The following PTBP3 variants were observed in gnomAD, a reference collection of about 807,000 sequenced individuals.
PTBP3 encodes the protein polypyrimidine tract-binding protein 3.
Under a neutral mutation model 58.7 loss-of-function variants are expected in PTBP3, and 20 were observed. That is an observed-to-expected ratio of 0.34 (90% CI 0.24 to 0.50). PTBP3 has a LOEUF of 0.50. Ranked by LOEUF, PTBP3 falls within the 20% of genes least tolerant of loss-of-function variation. PTBP3 has a pLI of 0.98. For synonymous variants in PTBP3, 185 were observed against 219.8 expected (o/e 0.84, Z 1.40); for missense variants, 509 against 637.2 (o/e 0.80, Z 2.17).
intron 5 of PTBP3, among the ~76,000 whole-genome samples, chr9:112,256,475 T>C (rs1310739849): frequency 2.6e-5 from 4 of 152,046 alleles, no homozygotes; most frequent in East Asian, 1.9e-4. Flanking sequence ...AAAATGCTTA[T>C]TATTAATTGA....
the PTBP3 span, among the ~76,000 whole-genome samples, chr9:112,349,981 G>T: frequency 6.6e-6 from 1 of 151,414 alleles, no homozygotes; most frequent in Non-Finnish European, 1.5e-5. Context: ...TCTGGTCACA[G>T]AAGTGGTCTG....
At chr9:112,253,150 T>C (rs1836200309) in intron 5 of PTBP3, among the ~76,000 whole-genome samples, 1 of 152,220 alleles carries the variant, frequency 6.6e-6, no homozygotes, top group African/African-American at 2.4e-5. Flanking sequence ...TTTTTGAGAT[T>C]TCTGTAGCCA....
intron 9 of PTBP3, among the ~76,000 whole-genome samples, 187 bp downstream of exon 9, chr9:112,231,912 A>AAGAAGAGAAGAGAAGAGAAGAGAAG (rs1391742980): frequency 1.9e-5 from 2 of 107,278 alleles, no homozygotes; most frequent in African/African-American, 3.6e-5. Flanking sequence ...CTGAAAAGAA[A>AAGAAGAGAAGAGAAGAGAAGAGAAG]AGAAGAGAAG....
the PTBP3 span, among the ~76,000 whole-genome samples, chr9:112,357,708 T>C: frequency 6.6e-6 from 1 of 152,178 alleles, no homozygotes; most frequent in African/African-American, 2.4e-5. Context: ...TTCAGGATTA[T>C]GTGTTGCGTT....
chr9:112,306,017 CTG>C (rs1385845153), intron 1 of PTBP3, among the ~76,000 whole-genome samples: 1 of 152,094 alleles, frequency 6.6e-6, no homozygotes, highest in Non-Finnish European at 1.5e-5. Context: ...ATTATTGAAC[CTG>C]TGGGTAGCTT....
intron 10 of PTBP3, among the ~76,000 whole-genome samples, chr9:112,229,247 A>G (rs1835109676): frequency 6.6e-6 from 1 of 152,172 alleles, no homozygotes; most frequent in Admixed American, 6.5e-5. Flanking sequence ...TATGTGCTAC[A>G]GAGTATCATC....
upstream of PTBP3, chr9:112,333,813 T>C (rs1162625215): frequency 4.9e-6 from 1 of 204,558 alleles, no homozygotes; most frequent in East Asian, 1.1e-4. Flanking sequence ...GGGCGCCCTC[T>C]TCCCGCGGTC....
Position 112,252,710 on chromosome 9 carries a change from C to A in PTBP3, c.595G>T (p.Ala199Ser). 6.2e-7 allele frequency: 1 copy of A among 1,610,972 alleles called. No homozygotes were observed. Among genetic ancestry groups the A allele is most frequent in the Non-Finnish European group, 8.5e-7 (1 of 1,177,714 alleles). ...GCATAATGTGCATTTACTGGGTCAG[C>A]ATACTGAAGCAAGGCTTGAAACTGA... ...NNQFQALLQY[A>S]DPVNAHYAKM... The change falls in exon 6 of 14, where the codon GCT becomes TCT. Residue 199 changes from alanine (A) to serine (S), a missense_variant. Physicochemically the swap from Ala to Ser is moderately conservative, Grantham distance 99 (BLOSUM62 1). Around this residue, in one of 4 missense-constraint regions of PTBP3, gnomAD observed 41 missense variants for 78.0 expected, o/e 0.53. Transcript: ENST00000374257.
Position 112,223,594 on chromosome 9 carries a change from A to T in PTBP3, c.*257T>A. The T allele has an allele frequency of 8.6e-7, 1 of 1,156,126 alleles. No homozygotes were observed. Among genetic ancestry groups the T allele is most frequent in the Non-Finnish European group, 1.1e-6 (1 of 924,156 alleles). The allele number at this position is 1,156,126 out of a possible 1,614,324, so 71.6% of individuals were successfully genotyped here. A position where few individuals can be genotyped will look rare whatever the true frequency, so the allele number is the denominator to read the frequency against. Reference sequence around the variant, plus strand: ...ATAGGGAATAAGATTATTGAAAAAAAATTTTTTTCCTGATTTTCTTTTTCC... The same window carrying T: ...ATAGGGAATAAGATTATTGAAAAAATATTTTTTTCCTGATTTTCTTTTTCC... On this transcript the variant is annotated 3_prime_UTR_variant, in exon 14 of 14. Transcript: ENST00000374257.
intron 3 of PTBP3, among the ~76,000 whole-genome samples, chr9:112,274,087 G>C (rs1420373362): frequency 1.3e-5 from 2 of 152,098 alleles, no homozygotes; most frequent in African/African-American, 4.8e-5. Context: ...TTAAAATAAC[G>C]ATCTAACTGG....
intron 8 of PTBP3, among the ~76,000 whole-genome samples, chr9:112,232,730 A>G (rs1409382204): frequency 2.0e-5 from 3 of 152,216 alleles, no homozygotes; most frequent in Non-Finnish European, 4.4e-5. Context: ...ATAAAATGCT[A>G]TATTAAATAT....
the PTBP3 span, among the ~76,000 whole-genome samples, chr9:112,362,072 C>T: frequency 2.6e-5 from 4 of 152,210 alleles, no homozygotes; most frequent in Admixed American, 6.5e-5. Context: ...GGCATTGTGG[C>T]TCACACCTGT....
intron 2 of PTBP3, among the ~76,000 whole-genome samples, chr9:112,277,630 G>A (rs1827664704): frequency 6.6e-6 from 1 of 151,994 alleles, no homozygotes; most frequent in African/African-American, 2.4e-5. Context: ...GCTGAGGTGG[G>A]CTGATCACCT....
the PTBP3 span, chr9:112,363,238 A>C: frequency 2.6e-5 from 4 of 152,848 alleles, no homozygotes; most frequent in Admixed American, 1.3e-4. Context: ...ATGAATAAGA[A>C]TATCTAGTTA....
the PTBP3 span, among the ~76,000 whole-genome samples, chr9:112,377,560 A>T: frequency 6.6e-6 from 1 of 152,184 alleles, no homozygotes; most frequent in African/African-American, 2.4e-5. Flanking sequence ...ATTCTTCTAA[A>T]TTCTCCAACC....
In PTBP3 at chr9:112,228,454, T is replaced by C. The variant is rs766799769; in HGVS notation, c.1073A>G (p.His358Arg). The C allele has an allele frequency of 5.6e-6, 9 of 1,604,574 alleles. 1 individual carries two copies. In the South Asian group the frequency reaches 5.6e-5, roughly 10 times the overall value. The change falls in exon 11 of 14, where the codon CAT becomes CGT. Residue 358 changes from histidine (H) to arginine (R), a missense_variant. Physicochemically the swap from His to Arg is conservative, Grantham distance 29. Transcript: ENST00000374257. The part of the protein sequence containing the change: ...FILFGVYGDV[H>R]RVKIMFNKKE... ...CTTATTAAACATAATCTTCACTCGA[T>C]GTACATCACCATAGACTCCTAATTA...
the PTBP3 span, among the ~76,000 whole-genome samples, chr9:112,352,420 T>C: frequency 4.4e-4 from 67 of 152,358 alleles, 1 homozygote; most frequent in East Asian, 0.013. Context: ...GTTGCAGGTC[T>C]GCCTTGCAGG....
At chr9:112,298,558 C>G (rs761185424) in intron 1 of PTBP3, 1 of 508,676 alleles carries the variant, frequency 2.0e-6, no homozygotes, top group Non-Finnish European at 3.9e-6. Flanking sequence ...TAAAAGATTA[C>G]TTTCAGGAAG....
intron 5 of PTBP3, among the ~76,000 whole-genome samples, chr9:112,255,791 T>C (rs896559650): frequency 1.3e-5 from 2 of 152,144 alleles, no homozygotes; most frequent in Admixed American, 1.3e-4. Context: ...TCTAGGCCCA[T>C]ATATGAGGAT....
Sources: allele counts gnomAD v4.1 joint callset (sites outside exome capture counted in the v4.1 genomes callset), GRCh38; gene constraint gnomAD v4.1.1; regional missense constraint gnomAD v4.1.1; transcripts MANE v1.5; gene names NCBI Gene and HGNC (gene_info 2026-07-23, HGNC 2026-07-21).